Variants in MGAT5 observed in about 807,000 individuals in gnomAD.
The protein encoded by MGAT5 is alpha-1,6-mannosylglycoprotein 6-beta-N-acetylglucosaminyltransferase A.
Under a neutral mutation model 94.3 loss-of-function variants are expected in MGAT5, and 30 were observed. That is an observed-to-expected ratio of 0.32 (90% confidence interval 0.24 to 0.43). The LOEUF (loss-of-function observed/expected upper bound fraction) is 0.43. MGAT5 is among the 20% of genes least tolerant of loss of function. The probability of loss-of-function intolerance (pLI) is 1.00; values close to 1 mark genes in which losing one functional copy is unlikely to be tolerated. For synonymous variants in MGAT5, 310 were observed against 322.9 expected, an observed-to-expected ratio of 0.96 and a Z score of 0.43; for missense variants, 691 against 905.5, an observed-to-expected ratio of 0.76 and a Z score of 3.04.
chr2:134,366,165 T>C (rs1368643288), intron 10 of MGAT5, among the ~76,000 whole-genome samples: 3 of 152,242 alleles, frequency 2.0e-5, no homozygotes, highest in Admixed American at 6.5e-5. Context: ...CATTCGCTCC[T>C]GCTAACACTA....
intron 1 of MGAT5, among the ~76,000 whole-genome samples, chr2:134,195,850 A>G (rs897458191): frequency 2.6e-5 from 4 of 152,168 alleles, no homozygotes; most frequent in African/African-American, 9.7e-5. Flanking sequence ...AATGGACTTT[A>G]TTCTGTGTGC....
chr2:134,214,968 C>T (rs1680398994), intron 1 of MGAT5, among the ~76,000 whole-genome samples: 1 of 152,136 alleles, frequency 6.6e-6, no homozygotes, highest in South Asian at 2.1e-4. Flanking sequence ...CAGCTTCTAC[C>T]TCTACAATCC....
At chr2:134,175,355 G>A (rs186203279) in intron 1 of MGAT5, among the ~76,000 whole-genome samples, 42 of 152,298 alleles carry the variant, frequency 2.8e-4, no homozygotes, top group African/African-American at 1.0e-3. Context: ...GAAGATATTT[G>A]CTTTGGCTTG....
At chr2:134,394,907 A>T (rs902026178) in intron 10 of MGAT5, among the ~76,000 whole-genome samples, 3 of 152,180 alleles carry the variant, frequency 2.0e-5, no homozygotes, top group Non-Finnish European at 2.9e-5. Context: ...CCCTTTAGGG[A>T]TTCTATAAAA....
intron 1 of MGAT5, among the ~76,000 whole-genome samples, chr2:134,244,432 T>C (rs1361695250): frequency 1.3e-5 from 2 of 152,136 alleles, no homozygotes; most frequent in Non-Finnish European, 2.9e-5. Context: ...TTAATACTCA[T>C]TAGTAAATTG....
chr2:134,298,323 C>T (rs969238511), intron 2 of MGAT5, among the ~76,000 whole-genome samples: 9 of 152,094 alleles, frequency 5.9e-5, no homozygotes, highest in Admixed American at 2.0e-4. Flanking sequence ...GTCTTGAACT[C>T]CCGACCTCAA....
At chr2:134,338,681 G>C (rs1000938934) in intron 6 of MGAT5, among the ~76,000 whole-genome samples, 1 of 152,070 alleles carries the variant, frequency 6.6e-6, no homozygotes, top group Non-Finnish European at 1.5e-5. Flanking sequence ...ACCTGTCTTT[G>C]TCAGGGTATC....
intron 1 of MGAT5, among the ~76,000 whole-genome samples, chr2:134,154,404 A>G (rs1391342772): frequency 6.6e-6 from 1 of 152,200 alleles, no homozygotes; most frequent in Non-Finnish European, 1.5e-5. Context: ...ATATCCTGCC[A>G]GGCCTATCCA....
At position 134,443,688 on chromosome 2, in the gene MGAT5, C is replaced by T. The variant is rs532145597; in HGVS notation, c.2027+1773C>T. On this transcript the variant is annotated intron_variant, in intron 15 of 15. Transcript: ENST00000281923. ...AGCCTGTGATGGTACTGGAAGTTTC[C>T]AGTTCCACAGCGCAAATCTTGAATT... Among the ~76,000 whole-genome samples the T allele has an allele frequency of 6.6e-5, 10 of 152,334 alleles. No individual in the cohort carries two copies. In the South Asian group the frequency reaches 2.1e-3, roughly 32 times the overall value.
At chr2:134,372,173 G>A (rs148312516) in intron 10 of MGAT5, among the ~76,000 whole-genome samples, 223 of 152,266 alleles carry the variant, frequency 1.5e-3, no homozygotes, top group Middle Eastern at 6.8e-3. Context: ...TCCTGTCCAT[G>A]TGTGGTATAT....
intron 14 of MGAT5, among the ~76,000 whole-genome samples, chr2:134,436,665 T>G (rs1051816491): frequency 6.6e-6 from 1 of 152,182 alleles, no homozygotes; most frequent in Non-Finnish European, 1.5e-5. Context: ...TGCCCCAGAT[T>G]CTGCAGATGT....
rs376976591 is a variant in MGAT5, at chr2:134,360,727, G to C, written c.1247-1548G>C. Reference sequence around the variant, plus strand: ...CCCTATGCCCTCAGCTTCTCAAAAGGGGGGAGAAAAGCAACTATCGCCTCT... The same window carrying C: ...CCCTATGCCCTCAGCTTCTCAAAAGCGGGGAGAAAAGCAACTATCGCCTCT... On this transcript the variant is annotated intron_variant, in intron 9 of 15. Transcript: ENST00000281923. Among the ~76,000 whole-genome samples the C allele has an allele frequency of 1.8e-4, 27 of 152,284 alleles. No homozygotes were observed. In the East Asian group the frequency reaches 2.3e-3, roughly 13 times the overall value.
chr2:134,426,238 C>CTTCCTTCATTCCTTCT (rs1684582078), intron 13 of MGAT5, among the ~76,000 whole-genome samples: 1 of 152,090 alleles, frequency 6.6e-6, no homozygotes, highest in African/African-American at 2.4e-5. Context: ...TCATTCCTTC[C>CTTCCTTCATTCCTTCT]GTCCCTCCAT....
At chr2:134,248,446 C>A (rs1286351148) in intron 1 of MGAT5, among the ~76,000 whole-genome samples, 1 of 152,102 alleles carries the variant, frequency 6.6e-6, no homozygotes, top group Non-Finnish European at 1.5e-5. Flanking sequence ...GTCTAGGGAG[C>A]CCCTGGAGGC....
chr2:134,125,844 C>G (rs1157684884), intron 1 of MGAT5, among the ~76,000 whole-genome samples: 1 of 152,148 alleles, frequency 6.6e-6, no homozygotes, highest in Non-Finnish European at 1.5e-5. Context: ...TTTCTCATGT[C>G]ACCTTTTAAG....
chr2:134,249,059 G>T (rs1204801322), intron 1 of MGAT5, among the ~76,000 whole-genome samples: 1 of 151,988 alleles, frequency 6.6e-6, no homozygotes, highest in East Asian at 1.9e-4. Flanking sequence ...TGGTGAACTG[G>T]AAGTAGATCA....
At chr2:134,212,912 A>T (rs906443458) in intron 1 of MGAT5, among the ~76,000 whole-genome samples, 3 of 152,210 alleles carry the variant, frequency 2.0e-5, no homozygotes, top group African/African-American at 7.2e-5. Flanking sequence ...TGATGGCGTA[A>T]GTGAGCCAGC....
chr2:134,261,346 G>T (rs1004124352), intron 1 of MGAT5, among the ~76,000 whole-genome samples: 2 of 152,092 alleles, frequency 1.3e-5, no homozygotes. Context: ...CTCTTTTGCT[G>T]TCAGAAGTGC....
Position 134,412,840 on chromosome 2 carries a change from C to A in MGAT5, c.1531-29C>A, listed in dbSNP as rs753708841. On this transcript the variant is annotated intron_variant, in intron 11 of 15. Coordinates refer to ENST00000281923, the MANE Select transcript of MGAT5 (RefSeq NM_002410.5). ...GCCTGATGGTCCTGCCTGATGTGTT[C>A]ATACGCTGTGTGGTTTTCTGTCTTA... 10 of 1,613,384 alleles carry A rather than the reference C, an allele frequency of 6.2e-6. No individual in the cohort carries two copies. The African/African-American group carries it at 1.3e-4, about 22-fold the overall frequency.
Sources: allele counts gnomAD v4.1 joint callset (sites outside exome capture counted in the v4.1 genomes callset), GRCh38; gene constraint gnomAD v4.1.1; transcripts MANE v1.5; gene names NCBI Gene and HGNC (gene_info 2026-07-23, HGNC 2026-07-21).